EPHA6: variants seen among roughly 807,000 people sequenced by gnomAD.
EPHA6 encodes EPH receptor A6.
A neutral mutation model predicts 112.0 loss-of-function variants in EPHA6; 50 were observed. The ratio of observed to expected loss-of-function variants is 0.45; its 90% CI spans 0.36 to 0.56. The LOEUF (loss-of-function observed/expected upper bound fraction) is 0.56, where lower values mean the gene tolerates loss of function less well. Ranked by LOEUF, EPHA6 falls within the 20% of genes least tolerant of loss-of-function variation. The pLI is 0.00. For synonymous variants in EPHA6, 529 were observed against 490.7 expected (o/e 1.08, Z -1.03); for missense variants, 1,280 against 1,417.4 (o/e 0.90, Z 1.56).
rs111642763 is a variant in EPHA6 at position 97,076,865 on chromosome 3, C to T, written c.1114+88872C>T. Among the ~76,000 whole-genome samples the T allele has an allele frequency of 9.2e-3, 1,399 of 152,216 alleles. 18 individuals carry two copies. The highest frequency in any genetic ancestry group is 0.014 in the Non-Finnish European group (963 of 68,018). On this transcript the variant is annotated intron_variant, in intron 3 of 17. Coordinates refer to ENST00000389672, the MANE Select transcript of EPHA6 (RefSeq NM_001080448.3). The stretch of plus-strand genomic sequence containing the variant: ...AAATGGAACAACAAAGCCTTGATGA[C>T]AGCACATCTATTTATAGCATGGTTT...
chr3:96,948,730 T>C (rs1276526047), intron 2 of EPHA6, among the ~76,000 whole-genome samples: 1 of 152,100 alleles, frequency 6.6e-6, no homozygotes, highest in Non-Finnish European at 1.5e-5. Flanking sequence ...TAAATGAAAA[T>C]CTGGTCGCAG....
intron 2 of EPHA6, among the ~76,000 whole-genome samples, chr3:96,976,341 T>C (rs1356491929): frequency 6.6e-6 from 1 of 152,186 alleles, no homozygotes; most frequent in Non-Finnish European, 1.5e-5. Flanking sequence ...TTCATGAGTG[T>C]TGCTGTCCTT....
At chr3:97,713,743 G>A (rs2034088560) in intron 14 of EPHA6, among the ~76,000 whole-genome samples, 1 of 152,172 alleles carries the variant, frequency 6.6e-6, no homozygotes, top group Admixed American at 6.5e-5. Context: ...ACCTCAGAAA[G>A]AGAATAGAAA....
chr3:97,032,574 G>A (rs187419526), intron 3 of EPHA6, among the ~76,000 whole-genome samples: 1 of 151,994 alleles, frequency 6.6e-6, no homozygotes, highest in African/African-American at 2.4e-5. Context: ...CCTATTTTGT[G>A]TATTTACTTG....
intron 16 of EPHA6, among the ~76,000 whole-genome samples, chr3:97,736,640 T>G (rs2035276172): frequency 6.6e-6 from 1 of 151,898 alleles, no homozygotes; most frequent in African/African-American, 2.4e-5. Context: ...CATCTAGTTG[T>G]TGTTACTCTC....
chr3:97,232,153 G>A (rs1183929022), intron 4 of EPHA6, among the ~76,000 whole-genome samples: 3 of 152,136 alleles, frequency 2.0e-5, no homozygotes, highest in Non-Finnish European at 4.4e-5. Flanking sequence ...TATTAGATAT[G>A]TAAGGTTGGG....
At chr3:96,979,591 G>A (rs1207487954) in intron 2 of EPHA6, among the ~76,000 whole-genome samples, 2 of 152,116 alleles carry the variant, frequency 1.3e-5, no homozygotes, top group Admixed American at 6.5e-5. Context: ...GGGTTAAATG[G>A]TATTTCTATT....
At chr3:97,166,355 T>G (rs879322926) in intron 3 of EPHA6, among the ~76,000 whole-genome samples, 5 of 151,544 alleles carry the variant, frequency 3.3e-5, no homozygotes, top group Non-Finnish European at 7.4e-5. Flanking sequence ...GCTGAAAGTA[T>G]GTACTTGTTT....
At chr3:97,308,889 C>G (rs1253141277) in intron 5 of EPHA6, among the ~76,000 whole-genome samples, 1 of 151,700 alleles carries the variant, frequency 6.6e-6, no homozygotes, top group East Asian at 1.9e-4. Context: ...TCCTTCAGAC[C>G]CATGAGGTCA....
chr3:97,676,030 G>GA (rs1258559649), intron 14 of EPHA6, among the ~76,000 whole-genome samples: 1 of 152,192 alleles, frequency 6.6e-6, no homozygotes, highest in South Asian at 2.1e-4. Context: ...CGTAGAGGGG[G>GA]AAAAAATTGC....
intron 6 of EPHA6, among the ~76,000 whole-genome samples, chr3:97,427,806 A>G (rs9289363): frequency 0.12 from 18,707 of 151,988 alleles, 3,694 homozygotes; most frequent in African/African-American, 0.41. Context: ...TCCTAAGCCA[A>G]TTAATACAGG....
intron 8 of EPHA6, among the ~76,000 whole-genome samples, chr3:97,476,911 C>T (rs574143025): frequency 6.6e-6 from 1 of 151,238 alleles, no homozygotes; most frequent in African/African-American, 2.4e-5. Context: ...TTGGGGGTCT[C>T]TAGTTTTGGG....
At chr3:97,411,974 C>A (rs2087747906) in intron 6 of EPHA6, among the ~76,000 whole-genome samples, 1 of 152,000 alleles carries the variant, frequency 6.6e-6, no homozygotes. Context: ...GGCATAGGGA[C>A]AGCACCTCTC....
chr3:97,063,924 T>G (rs998848062), intron 3 of EPHA6, among the ~76,000 whole-genome samples: 2 of 152,038 alleles, frequency 1.3e-5, no homozygotes, highest in Admixed American at 6.6e-5. Context: ...GGCAATAAAT[T>G]GATAACTGGA....
At chr3:97,214,838 T>C (rs1015729533) in intron 3 of EPHA6, among the ~76,000 whole-genome samples, 22 of 152,198 alleles carry the variant, frequency 1.4e-4, no homozygotes, top group Non-Finnish European at 2.4e-4. Flanking sequence ...CACCCTTAAG[T>C]TTTGCAGTTT....
chr3:96,846,304 G>A (rs1430897415), intron 1 of EPHA6, among the ~76,000 whole-genome samples: 3 of 152,004 alleles, frequency 2.0e-5, no homozygotes, highest in Non-Finnish European at 4.4e-5. Context: ...AATTTCCTGA[G>A]AAGCTTGTTT....
In EPHA6 at chr3:96,922,317, G is replaced by A. The variant is rs150904759; in HGVS notation, c.450+55428G>A. Among the ~76,000 whole-genome samples the A allele has an allele frequency of 1.7e-3, 256 of 152,248 alleles. 3 individuals carry two copies. In the Middle Eastern group the frequency reaches 0.017, roughly 10 times the overall value. On this transcript the variant is annotated intron_variant, in intron 2 of 17. Coordinates refer to ENST00000389672, the MANE Select transcript of EPHA6 (RefSeq NM_001080448.3). ...AGAACTTAAAAGAATAATTAATTCA[G>A]CAAAGATTGTCAAAGAATGGTAAAA... is the stretch of plus-strand genomic sequence containing the variant.
At chr3:96,991,463 T>C (rs2043213397) in intron 3 of EPHA6, among the ~76,000 whole-genome samples, 1 of 152,170 alleles carries the variant, frequency 6.6e-6, no homozygotes, top group Admixed American at 6.6e-5. Context: ...TCATTTAGTA[T>C]CTATCCCAAG....
chr3:97,009,064 T>C (rs1442144484), intron 3 of EPHA6, among the ~76,000 whole-genome samples: 1 of 152,052 alleles, frequency 6.6e-6, no homozygotes, highest in East Asian at 1.9e-4. Context: ...ATCACTCCTG[T>C]ATAGGGTGTC....
Sources: gnomAD v4.1 joint callset for allele counts (sites outside exome capture counted in the v4.1 genomes callset) on GRCh38, gnomAD v4.1.1 for gene constraint, MANE v1.5 for transcripts, NCBI Gene and HGNC (gene_info 2026-07-23, HGNC 2026-07-21) for gene names.